The following BCAT1 variants were observed in gnomAD, a reference collection of about 807,000 sequenced individuals.
BCAT1 encodes branched-chain-amino-acid aminotransferase, cytosolic.
A neutral mutation model predicts 52.4 loss-of-function variants in BCAT1; 48 were observed. The observed-to-expected ratio is 0.92, with a 90% CI of 0.73 to 1.16. BCAT1 has a LOEUF of 1.16. Ranked by LOEUF, BCAT1 falls within the 50% of genes most tolerant of loss-of-function variation. The pLI, the probability that BCAT1 is intolerant of heterozygous loss-of-function variation, is 0.00. For synonymous variants in BCAT1, 167 were observed against 161.3 expected (o/e 1.04, Z -0.27); for missense variants, 451 against 457.1 (o/e 0.99, Z 0.12).
chr12:24,818,019 C>T lies in BCAT1; in HGVS notation c.1150G>A (p.Val384Met). Residue 384 changes from valine (V) to methionine (M), a missense_variant, in exon 11 of 11, where the codon GTG (valine) becomes ATG (methionine). Physicochemically the swap from Val to Met is conservative, Grantham distance 21. Transcript: ENST00000261192. ...YGREESDWTIVLS is the reference protein window; with the variant it reads ...YGREESDWTIMLS ...CCTCTATTTTCCATTCAGGATAGCA[C>T]AATTGTCCAGTCGCTCTCTTCTCTT... 6.2e-7 allele frequency: 1 copy of T among 1,613,082 alleles called. No homozygotes were observed. The highest frequency in any genetic ancestry group is 1.1e-5 in the South Asian group (1 of 91,054).
chr12:24,925,844 G>A (rs536410646), intron 1 of BCAT1, among the ~76,000 whole-genome samples: 3 of 152,248 alleles, frequency 2.0e-5, no homozygotes, highest in East Asian at 1.9e-4. Context: ...TGCCAGCCTC[G>A]GCCTCCCGAG....
chr12:24,861,799 G>T (rs1009123439), intron 5 of BCAT1, among the ~76,000 whole-genome samples: 1 of 152,130 alleles, frequency 6.6e-6, no homozygotes, highest in Non-Finnish European at 1.5e-5. Flanking sequence ...GATGAGATAG[G>T]ACATTACAAG....
At chr12:24,906,806 C>T (rs1475204555) in intron 1 of BCAT1, among the ~76,000 whole-genome samples, 1 of 152,160 alleles carries the variant, frequency 6.6e-6, no homozygotes, top group Non-Finnish European at 1.5e-5. Context: ...AATGTCTATC[C>T]ATTCTTGCTC....
At chr12:24,928,704 TTTG>T (rs71063374) in intron 1 of BCAT1, among the ~76,000 whole-genome samples, 45,675 of 143,838 alleles carry the variant, frequency 0.32, 7,364 homozygotes, top group Middle Eastern at 0.45. Context: ...GTGTGAAATG[TTTG>T]TTGTTGTTGT....
In BCAT1 at chr12:24,815,744, C is replaced by T. The variant is rs1391749704; in HGVS notation, c.*2264G>A. On this transcript the variant is annotated 3_prime_UTR_variant, in exon 11 of 11. Transcript: ENST00000261192. ...GTCTGATGAAAAGGGCTTAAAAATG[C>T]TCTTGAGGTTTTATGAAAGAAATGA... 1 of 152,148 alleles carries T rather than the reference C, an allele frequency of 6.6e-6. No individual in the cohort carries two copies. Among genetic ancestry groups the T allele is most frequent in the East Asian group, 1.9e-4 (1 of 5,206 alleles). The allele number at this position is 152,148 out of a possible 1,614,324, so 9.4% of individuals were successfully genotyped here.
intron 1 of BCAT1, among the ~76,000 whole-genome samples, chr12:24,908,847 G>A (rs1000355349): frequency 5.9e-5 from 9 of 152,168 alleles, no homozygotes; most frequent in African/African-American, 9.7e-5. Context: ...GTTGAGATTC[G>A]TTATCCTGGT....
At chr12:24,854,482 A>C (rs1173327704) in intron 5 of BCAT1, among the ~76,000 whole-genome samples, 1 of 152,196 alleles carries the variant, frequency 6.6e-6, no homozygotes, top group Non-Finnish European at 1.5e-5. Flanking sequence ...AGGGGAAAAT[A>C]GTAAAGAATA....
At position 24,813,449 on chromosome 12, in the gene BCAT1, A is replaced by C. The variant is rs1426726645; in HGVS notation, c.*4559T>G. 1 of 151,970 alleles carries C rather than the reference A, an allele frequency of 6.6e-6. No individual in the cohort carries two copies. The highest frequency in any genetic ancestry group is 1.5e-5 in the Non-Finnish European group (1 of 67,886). The allele number at this position is 151,970 out of a possible 1,614,324, so 9.4% of individuals were successfully genotyped here. ...TTAAACAGCATGGTTCATAATAGAT[A>C]TTTTCTAGAAAAATTCACTCTAGGA... is the stretch of plus-strand genomic sequence containing the variant. On this transcript the variant is annotated 3_prime_UTR_variant, in exon 11 of 11. Coordinates refer to ENST00000261192, the MANE Select transcript of BCAT1 (RefSeq NM_005504.7).
chr12:24,914,449 G>A (rs1291118129), intron 1 of BCAT1, among the ~76,000 whole-genome samples: 6 of 152,090 alleles, frequency 3.9e-5, no homozygotes, highest in African/African-American at 7.2e-5. Context: ...CCAATTAAAC[G>A]GTTAACAGTT....
intron 1 of BCAT1, among the ~76,000 whole-genome samples, chr12:24,933,547 T>G (rs1376795030): frequency 6.6e-6 from 1 of 152,140 alleles, no homozygotes; most frequent in South Asian, 2.1e-4. Context: ...TCAAACCTCA[T>G]GTGGAATTTT....
chr12:24,944,111 A>C (rs542690263), intron 1 of BCAT1, among the ~76,000 whole-genome samples: 1 of 152,236 alleles, frequency 6.6e-6, no homozygotes, highest in Non-Finnish European at 1.5e-5. Flanking sequence ...CACTATTCTT[A>C]TAAGTGTACA....
At chr12:24,887,805 T>C (rs979253221) in intron 3 of BCAT1, among the ~76,000 whole-genome samples, 13 of 152,238 alleles carry the variant, frequency 8.5e-5, no homozygotes, top group Non-Finnish European at 1.5e-5. Flanking sequence ...CGTTCCCTAC[T>C]CGCAGTTTGC....
At position 24,836,965 on chromosome 12, in the gene BCAT1, G is replaced by GA. The variant is rs1232612085; in HGVS notation, c.818-370dup. Among the ~76,000 whole-genome samples, 2 of 122,524 alleles carry GA rather than the reference G, an allele frequency of 1.6e-5. 1 individual carries two copies. Among genetic ancestry groups the GA allele is most frequent in the African/African-American group, 6.1e-5 (2 of 32,944 alleles). The allele number at this position is 122,524 out of a possible 152,430, so 80.4% of individuals were successfully genotyped here. On this transcript the variant is annotated intron_variant, in intron 7 of 10. Transcript: ENST00000261192. ...AAGAAAGAAAGAAAGAAAAGAGAAA[G>GA]AAAGAAAGAGAGAGAGGGAGGGAGG...
rs147420562 is a variant in BCAT1, at chr12:24,946,078, G to A, written c.6+2849C>T. Reference sequence around the variant, plus strand: ...AACTTCCTATACCAGTTGAGAAGAGGCCATTTAAAGAAGCTGGCAACCTGA... The same window carrying A: ...AACTTCCTATACCAGTTGAGAAGAGACCATTTAAAGAAGCTGGCAACCTGA... On this transcript the variant is annotated intron_variant, in intron 1 of 10. Transcript: ENST00000261192. Among the ~76,000 whole-genome samples, 416 of 152,242 alleles carry A rather than the reference G, an allele frequency of 2.7e-3. 2 individuals carry two copies. The highest frequency in any genetic ancestry group is 9.6e-3 in the African/African-American group (397 of 41,540).
intron 9 of BCAT1, among the ~76,000 whole-genome samples, chr12:24,832,245 T>A (rs1475111878): frequency 6.6e-6 from 1 of 152,156 alleles, no homozygotes; most frequent in Non-Finnish European, 1.5e-5. Flanking sequence ...GACATGTAGG[T>A]AAGACAGATC....
At chr12:24,924,102 C>T (rs146921605) in intron 1 of BCAT1, among the ~76,000 whole-genome samples, 11 of 149,642 alleles carry the variant, frequency 7.4e-5, no homozygotes, top group Middle Eastern at 3.4e-3. Context: ...CCCTTTTTTT[C>T]CCCTCAGCTT....
At position 24,902,976 on chromosome 12, in the gene BCAT1, G is replaced by A. The variant is rs757797133; in HGVS notation, c.7-1091C>T. 167 of 1,496,024 alleles carry A rather than the reference G, an allele frequency of 1.1e-4. 1 individual carries two copies. The highest frequency in any genetic ancestry group is 2.8e-5 in the Non-Finnish European group (32 of 1,128,102). 92.7% of individuals were successfully genotyped at this position (1,496,024 alleles called of 1,614,324 possible). ...CGGGCAAGGGCCGCAGCGGAGCGAAGCGGGCTGGCCATGGGGAGGCTGCGG... is the reference window on the plus strand; with the variant it reads ...CGGGCAAGGGCCGCAGCGGAGCGAAACGGGCTGGCCATGGGGAGGCTGCGG... On this transcript the variant is annotated intron_variant, in intron 1 of 10. Coordinates refer to ENST00000261192, the MANE Select transcript of BCAT1 (RefSeq NM_005504.7).
intron 1 of BCAT1, among the ~76,000 whole-genome samples, chr12:24,911,342 C>A (rs908392692): frequency 6.6e-6 from 1 of 152,128 alleles, no homozygotes; most frequent in Non-Finnish European, 1.5e-5. Flanking sequence ...CAGACCGCCA[C>A]AAATCACAAC....
intron 7 of BCAT1, among the ~76,000 whole-genome samples, chr12:24,837,606 T>C (rs1484700545): frequency 1.3e-5 from 2 of 152,016 alleles, no homozygotes; most frequent in Non-Finnish European, 2.9e-5. Flanking sequence ...TTTGTATTTT[T>C]AGTAGAGACG....
Sources: allele counts gnomAD v4.1 joint callset (sites outside exome capture counted in the v4.1 genomes callset), GRCh38; gene constraint gnomAD v4.1.1; transcripts MANE v1.5; gene names NCBI Gene and HGNC (gene_info 2026-07-23, HGNC 2026-07-21).